MYOCD: variants seen among roughly 807,000 people sequenced by gnomAD.
MYOCD encodes the protein myocardin.
MYOCD carries 32 observed loss-of-function variants against 96.1 expected under a neutral mutation model. The ratio of observed to expected loss-of-function variants is 0.33; its 90% confidence interval spans 0.25 to 0.45. The LOEUF (loss-of-function observed/expected upper bound fraction) is 0.45. MYOCD is among the 20% of genes least tolerant of loss of function. The pLI, the probability that MYOCD is intolerant of heterozygous loss-of-function variation, is 1.00. For missense variants in MYOCD, 1,133 were observed against 1,200.6 expected, an observed-to-expected ratio of 0.94 and a Z score of 0.83; for synonymous variants, 469 against 469.0, an observed-to-expected ratio of 1.00 and a Z score of 0.00.
chr17:12,746,098 T>C, intron 9 of MYOCD, 26 bp downstream of exon 9: 1 of 1,609,824 alleles, frequency 6.2e-7, no homozygotes, highest in Non-Finnish European at 8.5e-7. Flanking sequence ...TGAGTTTCTT[T>C]CTTTTTTTAA....
At chr17:12,722,536 T>G (rs1022420804) in intron 4 of MYOCD, among the ~76,000 whole-genome samples, 2 of 152,168 alleles carry the variant, frequency 1.3e-5, no homozygotes, top group Admixed American at 1.3e-4. Flanking sequence ...GTGCCATAGC[T>G]TAGGGTTAGG....
At position 12,767,714 on chromosome 17, in the gene MYOCD, G is replaced by C. The variant is rs1054632854; in HGVS notation, c.*4070G>C. 6.6e-6 allele frequency: 1 copy of C among 151,914 alleles called. No homozygotes were observed. The highest frequency in any genetic ancestry group is 2.4e-5 in the African/African-American group (1 of 41,358). The allele number at this position is 151,914 out of a possible 1,614,324, so 9.4% of individuals were successfully genotyped here. A position where few individuals can be genotyped will look rare whatever the true frequency, so the allele number is the denominator to read the frequency against. Reference sequence around the variant, plus strand: ...TCAAAATTCTTGTCTTTTTCTTTGTGGACAAACACCAGTAGTCTATCACTT... The same window carrying C: ...TCAAAATTCTTGTCTTTTTCTTTGTCGACAAACACCAGTAGTCTATCACTT... On this transcript the variant is annotated 3_prime_UTR_variant, in exon 14 of 14. Transcript: ENST00000425538.
At chr17:12,755,064 C>T (rs929559320) in intron 10 of MYOCD, among the ~76,000 whole-genome samples, 5 of 152,170 alleles carry the variant, frequency 3.3e-5, no homozygotes, top group African/African-American at 1.2e-4. Context: ...CCTACAGGAA[C>T]AATGCATTCC....
At chr17:12,693,082 T>C (rs1257437208) in intron 1 of MYOCD, among the ~76,000 whole-genome samples, 1 of 152,128 alleles carries the variant, frequency 6.6e-6, no homozygotes, top group Admixed American at 6.5e-5. Flanking sequence ...CCCACAAGTT[T>C]CTATGCATTT....
At chr17:12,755,754 C>A (rs2032994851) in intron 10 of MYOCD, among the ~76,000 whole-genome samples, 1 of 152,152 alleles carries the variant, frequency 6.6e-6, no homozygotes, top group Admixed American at 6.5e-5. Flanking sequence ...CGCCTGTAGT[C>A]CTAGCTACTA....
chr17:12,672,054 T>A (rs1215960218), intron 1 of MYOCD: 1 of 152,166 alleles, frequency 6.6e-6, no homozygotes, highest in Admixed American at 6.5e-5. Flanking sequence ...CATCTGGGAC[T>A]CCGTGGTCTT....
At chr17:12,751,760 C>T (rs2032858527) in intron 9 of MYOCD, among the ~76,000 whole-genome samples, 2 of 152,140 alleles carry the variant, frequency 1.3e-5, no homozygotes, top group South Asian at 2.1e-4. Flanking sequence ...ATGGTCTTAT[C>T]GCCACATACT....
intron 1 of MYOCD, among the ~76,000 whole-genome samples, chr17:12,680,428 A>T (rs936027289): frequency 6.6e-6 from 1 of 152,226 alleles, no homozygotes; most frequent in Non-Finnish European, 1.5e-5. Context: ...ATGGTGAAGC[A>T]CTTGAACTCA....
chr17:12,666,531 A>C lies in MYOCD; in HGVS notation c.55+288A>C, dbSNP rs1363628696. 2.6e-5 allele frequency among the ~76,000 whole-genome samples: 4 copies of C among 152,304 alleles called. No individual in the cohort carries two copies. In the South Asian group the frequency reaches 6.2e-4, roughly 24 times the overall value. ...ATAGAAATTTTGGAGGGGTACATTC[A>C]GAGGGAGCAACTTTGGAAATGAACA... On this transcript the variant is annotated intron_variant, in intron 1 of 13. Transcript: ENST00000425538.
intron 5 of MYOCD, among the ~76,000 whole-genome samples, chr17:12,735,754 G>A (rs564349930): frequency 3.9e-5 from 6 of 152,262 alleles, no homozygotes; most frequent in South Asian, 2.1e-4. Context: ...CTGTCATCTC[G>A]ATTCCATCTC....
rs377141737 is a variant in MYOCD at position 12,665,951 on chromosome 17, A to G, written c.-238A>G. 23 of 539,730 alleles carry G rather than the reference A, an allele frequency of 4.3e-5. No homozygotes were observed. In the East Asian group the frequency reaches 6.1e-4, roughly 14 times the overall value. The allele number at this position is 539,730 out of a possible 1,614,324, so 33.4% of individuals were successfully genotyped here. ...TGGGATGCCGCGCTGCTCCTGGCCAACCTCCGAGGAGGAGGAGGGTCCCGC... is the reference window on the plus strand; with the variant it reads ...TGGGATGCCGCGCTGCTCCTGGCCAGCCTCCGAGGAGGAGGAGGGTCCCGC... On this transcript the variant is annotated 5_prime_UTR_variant, in exon 1 of 14. Transcript: ENST00000425538. The surrounding 1 kb of genome is among the most constrained non-coding windows in gnomAD (Gnocchi z 4.2).
chr17:12,675,799 C>T (rs1345694820), intron 1 of MYOCD, among the ~76,000 whole-genome samples: 1 of 152,168 alleles, frequency 6.6e-6, no homozygotes, highest in African/African-American at 2.4e-5. Flanking sequence ...GCGGAGGTTG[C>T]AGTGAGACGA....
At chr17:12,707,034 T>C (rs994799320) in intron 2 of MYOCD, among the ~76,000 whole-genome samples, 1 of 152,124 alleles carries the variant, frequency 6.6e-6, no homozygotes, top group African/African-American at 2.4e-5. Flanking sequence ...TCACGGCTGG[T>C]GCACACTGCA....
intron 5 of MYOCD, among the ~76,000 whole-genome samples, chr17:12,724,025 A>C (rs2031925010): frequency 6.6e-6 from 1 of 152,174 alleles, no homozygotes; most frequent in Non-Finnish European, 1.5e-5. Flanking sequence ...CTTGTCTGTC[A>C]GTGTCTACTT....
intron 11 of MYOCD, 62 bp from the exon 12 acceptor site, chr17:12,758,023 C>G: frequency 7.6e-7 from 1 of 1,317,910 alleles, no homozygotes; most frequent in South Asian, 1.2e-5. Flanking sequence ...GTTTCTAGAA[C>G]AGAAACAACA....
intron 5 of MYOCD, among the ~76,000 whole-genome samples, chr17:12,729,650 T>C (rs1356827308): frequency 6.6e-6 from 1 of 152,044 alleles, no homozygotes; most frequent in Non-Finnish European, 1.5e-5. Flanking sequence ...CGATCTCTGC[T>C]CACTGCAACC....
chr17:12,764,777 C>G lies in MYOCD; in HGVS notation c.*1133C>G, dbSNP rs2033290524. On this transcript the variant is annotated 3_prime_UTR_variant, in exon 14 of 14. Transcript: ENST00000425538. ...TCCACATTGGGAGGGGAGGACTTCT[C>G]AGTTCTAACAAGCTGCCATACTCCT... The G allele has an allele frequency of 6.6e-6, 1 of 152,144 alleles. No individual in the cohort carries two copies. The highest frequency in any genetic ancestry group is 1.5e-5 in the Non-Finnish European group (1 of 68,032). The allele number at this position is 152,144 out of a possible 1,614,324, so 9.4% of individuals were successfully genotyped here. A position where few individuals can be genotyped will look rare whatever the true frequency, so the allele number is the denominator to read the frequency against.
chr17:12,718,721 G>A (rs1211274250), intron 4 of MYOCD, among the ~76,000 whole-genome samples: 1 of 151,980 alleles, frequency 6.6e-6, no homozygotes, highest in Non-Finnish European at 1.5e-5. Flanking sequence ...GCAGCCAAAG[G>A]ATGCCAGGTG....
intron 1 of MYOCD, among the ~76,000 whole-genome samples, chr17:12,671,336 T>C (rs1909700662): frequency 6.6e-6 from 1 of 152,180 alleles, no homozygotes; most frequent in African/African-American, 2.4e-5. Context: ...GATGTGCGTT[T>C]GTGTGTACTA....
Sources: allele counts gnomAD v4.1 joint callset (sites outside exome capture counted in the v4.1 genomes callset), GRCh38; gene constraint gnomAD v4.1.1; non-coding constraint Gnocchi (gnomAD v3.1); transcripts MANE v1.5; gene names NCBI Gene and HGNC (gene_info 2026-07-23, HGNC 2026-07-21).